The following CNTN1 variants were observed in gnomAD, a reference collection of about 807,000 sequenced individuals.
CNTN1 encodes the protein contactin-1.
A neutral mutation model predicts 126.4 loss-of-function variants in CNTN1; 38 were observed. That is an observed-to-expected ratio of 0.30 (90% CI 0.23 to 0.39). The LOEUF (loss-of-function observed/expected upper bound fraction) is 0.39, where lower values mean the gene tolerates loss of function less well. Ranked by LOEUF, CNTN1 falls within the 10% of genes least tolerant of loss-of-function variation. CNTN1 has a pLI of 1.00. For missense variants in CNTN1, 1,009 were observed against 1,248.4 expected (o/e 0.81, Z 2.89); for synonymous variants, 413 against 422.6 (o/e 0.98, Z 0.28).
intron 1 of CNTN1, among the ~76,000 whole-genome samples, chr12:40,810,195 C>T (rs1941006147): frequency 1.3e-5 from 2 of 152,048 alleles, no homozygotes; most frequent in Admixed American, 1.3e-4. Flanking sequence ...TCATGCATTC[C>T]TATAATAAGC....
chr12:41,063,769 T>G (rs1340425012), intron 23 of CNTN1, among the ~76,000 whole-genome samples: 1 of 152,192 alleles, frequency 6.6e-6, no homozygotes, highest in African/African-American at 2.4e-5. Context: ...GAGCCTTTCC[T>G]TAAGAATTTT....
Position 41,044,738 on chromosome 12 carries a change from G to T in CNTN1, c.2980+15519G>T, listed in dbSNP as rs558275583. On this transcript the variant is annotated intron_variant, in intron 23 of 23. Coordinates refer to ENST00000551295, the MANE Select transcript of CNTN1 (RefSeq NM_001843.4). ...TTGGAAAAGGACGTCAGAAATTAAA[G>T]AAATTAATCATTTTTGGAGAATGTA... Among the ~76,000 whole-genome samples the T allele has an allele frequency of 3.3e-5, 5 of 152,142 alleles. No individual in the cohort carries two copies. The South Asian group carries it at 6.2e-4, about 19-fold the overall frequency.
At chr12:40,777,385 C>T (rs942874926) in intron 1 of CNTN1, among the ~76,000 whole-genome samples, 5 of 151,620 alleles carry the variant, frequency 3.3e-5, no homozygotes, top group African/African-American at 9.7e-5. Context: ...GCTAATGTTA[C>T]ATATGCTGTC....
At chr12:40,981,170 A>C in intron 16 of CNTN1, 103 bp downstream of exon 16, 1 of 1,128,324 alleles carries the variant, frequency 8.9e-7, no homozygotes, top group Non-Finnish European at 1.3e-6. Flanking sequence ...TCTACCTTGA[A>C]AGGCTTTCTT....
intron 1 of CNTN1, chr12:40,763,026 T>G (rs1938927388): frequency 1.3e-5 from 2 of 152,304 alleles, no homozygotes; most frequent in South Asian, 2.1e-4. Context: ...CTCACTCTGT[T>G]AGTTCATGTG....
At chr12:40,818,469 T>C (rs1592121497) in intron 1 of CNTN1, among the ~76,000 whole-genome samples, 1 of 152,202 alleles carries the variant, frequency 6.6e-6, no homozygotes, top group Non-Finnish European at 1.5e-5. Context: ...CTTCTGTTTT[T>C]ACTTGTGTAT....
At chr12:41,002,727 C>T (rs1038183982) in intron 17 of CNTN1, among the ~76,000 whole-genome samples, 31 of 151,448 alleles carry the variant, frequency 2.0e-4, no homozygotes, top group African/African-American at 7.3e-4. Context: ...TCGGCTAATT[C>T]TTTGTATTTT....
At chr12:40,932,435 T>G (rs1284687896) in intron 7 of CNTN1, among the ~76,000 whole-genome samples, 1 of 152,050 alleles carries the variant, frequency 6.6e-6, no homozygotes, top group Non-Finnish European at 1.5e-5. Context: ...CAATTAAACC[T>G]CTTTCCTTTA....
chr12:40,941,495 T>G (rs947566889), intron 12 of CNTN1, among the ~76,000 whole-genome samples: 38 of 151,852 alleles, frequency 2.5e-4, no homozygotes, highest in African/African-American at 8.9e-4. Flanking sequence ...GCCTAAAGAG[T>G]GGTTTATATG....
intron 1 of CNTN1, among the ~76,000 whole-genome samples, chr12:40,891,405 C>A (rs765608859): frequency 1.5e-4 from 23 of 152,022 alleles, no homozygotes; most frequent in Admixed American, 5.9e-4. Flanking sequence ...ATGGATTCTG[C>A]CTTTATTGCT....
chr12:40,912,143 AAAAC>A (rs1945061304), intron 3 of CNTN1, among the ~76,000 whole-genome samples: 1 of 152,240 alleles, frequency 6.6e-6, no homozygotes, highest in Non-Finnish European at 1.5e-5. Flanking sequence ...TTAAATTTGA[AAAAC>A]AAAGTACATA....
At chr12:40,765,353 G>A (rs1939037700) in intron 1 of CNTN1, among the ~76,000 whole-genome samples, 1 of 152,136 alleles carries the variant, frequency 6.6e-6, no homozygotes, top group Non-Finnish European at 1.5e-5. Context: ...GTCAATCCAG[G>A]AGTACAGTAT....
In CNTN1 at chr12:40,918,733, C is replaced by T. The variant is rs761963268; in HGVS notation, c.189C>T (p.Leu63=). 28 of 1,613,588 alleles carry T rather than the reference C, an allele frequency of 1.7e-5. No individual in the cohort carries two copies. The East Asian group carries it at 5.8e-4, about 33-fold the overall frequency. The change falls in exon 4 of 24, where the codon CTC becomes CTT. Residue 63 remains leucine, a synonymous_variant. Transcript: ENST00000551295. The part of the protein sequence containing the change: ...PEESLEGKVS[L]NCRARASPFP... ...AATCACTGGAAGGAAAAGTCTCACT[C>T]AACTGTAGGGCACGAGCCAGCCCTT... is the stretch of plus-strand genomic sequence containing the variant.
At chr12:40,823,449 A>T (rs1941513302) in intron 1 of CNTN1, among the ~76,000 whole-genome samples, 1 of 152,220 alleles carries the variant, frequency 6.6e-6, no homozygotes, top group South Asian at 2.1e-4. Context: ...ATGGAAATAG[A>T]TGCTACTTAA....
chr12:40,887,673 C>A (rs564687901), intron 1 of CNTN1, among the ~76,000 whole-genome samples: 4 of 151,938 alleles, frequency 2.6e-5, no homozygotes, highest in Non-Finnish European at 4.4e-5. Context: ...GGTATATACC[C>A]AAAGGACTAT....
intron 1 of CNTN1, among the ~76,000 whole-genome samples, chr12:40,773,700 T>C (rs1402676733): frequency 0.029 from 570 of 19,632 alleles, 20 homozygotes; most frequent in African/African-American, 0.047. Context: ...TATACACATA[T>C]ATATATATAT....
At position 40,980,946 on chromosome 12, in the gene CNTN1, C is replaced by G. The variant is rs371908420; in HGVS notation, c.1842C>G (p.Asp614Glu). The change falls in exon 16 of 24, where the codon GAC (aspartate) becomes GAG (glutamate). Residue 614 changes from aspartate to glutamate, a missense_variant. Asp to Glu is a conservative substitution (Grantham distance 45). Coordinates refer to ENST00000551295, the MANE Select transcript of CNTN1 (RefSeq NM_001843.4). Reference protein sequence around the residue: ...PGPPGGLRIEDIRATSVALTW... With the variant: ...PGPPGGLRIEEIRATSVALTW... ...CTCCAGGTGGTCTGAGAATAGAAGACATTAGAGCCACTTCTGTGGCACTTA... is the reference window on the plus strand; with the variant it reads ...CTCCAGGTGGTCTGAGAATAGAAGAGATTAGAGCCACTTCTGTGGCACTTA... The G allele has an allele frequency of 6.2e-7, 1 of 1,613,866 alleles. No individual in the cohort carries two copies. The highest frequency in any genetic ancestry group is 1.7e-5 in the Admixed American group (1 of 59,962).
At chr12:40,748,626 A>G (rs1938276709) in intron 1 of CNTN1, among the ~76,000 whole-genome samples, 2 of 152,158 alleles carry the variant, frequency 1.3e-5, no homozygotes, top group South Asian at 4.1e-4. Context: ...GTAAAATCAA[A>G]ACTTTATTTA....
intron 23 of CNTN1, among the ~76,000 whole-genome samples, chr12:41,037,484 T>C (rs909681459): frequency 6.6e-6 from 1 of 152,056 alleles, no homozygotes; most frequent in Non-Finnish European, 1.5e-5. Context: ...CTGAGAGCAA[T>C]AGGTTATAAA....
Sources: allele counts gnomAD v4.1 joint callset (sites outside exome capture counted in the v4.1 genomes callset), GRCh38; gene constraint gnomAD v4.1.1; transcripts MANE v1.5; gene names NCBI Gene and HGNC (gene_info 2026-07-23, HGNC 2026-07-21).